ATXN7L1: variants seen among roughly 807,000 people sequenced by gnomAD.
The protein encoded by ATXN7L1 is ataxin-7-like protein 1.
A neutral mutation model predicts 70.8 loss-of-function variants in ATXN7L1; 15 were observed. That is an observed-to-expected ratio of 0.21 (90% confidence interval 0.14 to 0.33). The LOEUF (loss-of-function observed/expected upper bound fraction) is 0.33. Ranked by LOEUF, ATXN7L1 falls within the 10% of genes least tolerant of loss-of-function variation. ATXN7L1 has a pLI of 1.00. For synonymous variants in ATXN7L1, 440 were observed against 445.1 expected, an observed-to-expected ratio of 0.99 and a Z score of 0.14; for missense variants, 975 against 1,097.1, an observed-to-expected ratio of 0.89 and a Z score of 1.57.
chr7:105,678,940 TA>T, intron 3 of ATXN7L1: 1 of 450,146 alleles, frequency 2.2e-6, no homozygotes, highest in Non-Finnish European at 2.9e-6. Context: ...CTCATTTTGC[TA>T]AATGCCTCGT....
At chr7:105,698,928 T>C (rs1211255725) in intron 3 of ATXN7L1, among the ~76,000 whole-genome samples, 1 of 152,160 alleles carries the variant, frequency 6.6e-6, no homozygotes, top group Non-Finnish European at 1.5e-5. Flanking sequence ...AAGATATATA[T>C]ATATACCTTA....
chr7:105,621,919 T>C (rs1794998053), intron 8 of ATXN7L1, among the ~76,000 whole-genome samples: 1 of 152,198 alleles, frequency 6.6e-6, no homozygotes, highest in Non-Finnish European at 1.5e-5. Context: ...TAAAATCTTA[T>C]CACCCATCAA....
intron 3 of ATXN7L1, among the ~76,000 whole-genome samples, chr7:105,733,870 CCATCCATCCAT>C (rs1309516545): frequency 2.8e-5 from 4 of 144,486 alleles, no homozygotes; most frequent in Admixed American, 6.9e-5. Context: ...ATCCATCCAT[CCATCCATCCAT>C]CATCCATCAT....
At chr7:105,675,032 C>A (rs1804407513) in intron 3 of ATXN7L1, among the ~76,000 whole-genome samples, 1 of 151,910 alleles carries the variant, frequency 6.6e-6, no homozygotes, top group African/African-American at 2.4e-5. Flanking sequence ...ATAACAGGAA[C>A]TAAAAAGCAT....
intron 3 of ATXN7L1, among the ~76,000 whole-genome samples, chr7:105,733,268 A>G: frequency 6.6e-6 from 1 of 152,242 alleles, no homozygotes; most frequent in Non-Finnish European, 1.5e-5. Context: ...ATGGTGAATC[A>G]TATGTGCTCA....
At chr7:105,677,984 C>G (rs753966311) in intron 3 of ATXN7L1, 2 of 985,266 alleles carry the variant, frequency 2.0e-6, no homozygotes, top group Admixed American at 6.2e-5. Context: ...CCACTAATAA[C>G]GGAACCATTT....
At chr7:105,863,279 C>T (rs1414808797) in intron 2 of ATXN7L1, among the ~76,000 whole-genome samples, 2 of 152,194 alleles carry the variant, frequency 1.3e-5, no homozygotes, top group Admixed American at 6.5e-5. Flanking sequence ...GGACTCTGGC[C>T]ACAGAGGCCC....
intron 3 of ATXN7L1, among the ~76,000 whole-genome samples, chr7:105,686,320 A>C (rs1248618834): frequency 6.6e-6 from 1 of 152,220 alleles, no homozygotes; most frequent in Admixed American, 6.5e-5. Context: ...GTTCAAGACC[A>C]GCCTGGCCAA....
chr7:105,750,551 C>A (rs1439088439), intron 3 of ATXN7L1, among the ~76,000 whole-genome samples: 1 of 149,294 alleles, frequency 6.7e-6, no homozygotes, highest in Admixed American at 6.9e-5. Flanking sequence ...CCACCAATCC[C>A]AGCACTTTGG....
At chr7:105,610,476 C>T in intron 11 of ATXN7L1, 53 bp downstream of exon 11, 1 of 1,437,458 alleles carries the variant, frequency 7.0e-7, no homozygotes, top group Non-Finnish European at 9.6e-7. Context: ...ACTCTTTCCA[C>T]TCTGCTGATG....
intron 3 of ATXN7L1, among the ~76,000 whole-genome samples, chr7:105,754,096 C>T (rs11977943): frequency 0.12 from 18,827 of 152,118 alleles, 1,215 homozygotes; most frequent in South Asian, 0.2. Context: ...TTCTATGACC[C>T]AAAACGTGCT....
chr7:105,868,301 G>C (rs1014583739), intron 2 of ATXN7L1, among the ~76,000 whole-genome samples: 1 of 152,158 alleles, frequency 6.6e-6, no homozygotes, highest in Non-Finnish European at 1.5e-5. Flanking sequence ...CACCAGGCTG[G>C]AAGCACCCTG....
chr7:105,703,915 C>G (rs533240723), intron 3 of ATXN7L1, among the ~76,000 whole-genome samples: 17 of 152,194 alleles, frequency 1.1e-4, no homozygotes, highest in Non-Finnish European at 2.1e-4. Flanking sequence ...TTTGTTTCTA[C>G]TTGTCAATAA....
intron 3 of ATXN7L1, among the ~76,000 whole-genome samples, chr7:105,680,478 T>C (rs142628032): frequency 3.2e-4 from 49 of 152,230 alleles, no homozygotes; most frequent in African/African-American, 1.2e-3. Flanking sequence ...TGAGAGGGAG[T>C]TGTGCTGGCT....
chr7:105,765,183 C>T (rs1171352516), intron 3 of ATXN7L1, among the ~76,000 whole-genome samples: 1 of 151,838 alleles, frequency 6.6e-6, no homozygotes, highest in African/African-American at 2.4e-5. Flanking sequence ...AAAATACAAA[C>T]ATTAGCCAGG....
intron 3 of ATXN7L1, among the ~76,000 whole-genome samples, chr7:105,725,828 G>A (rs750980346): frequency 9.9e-5 from 15 of 151,876 alleles, no homozygotes; most frequent in South Asian, 2.1e-4. Context: ...AGATCCGCCC[G>A]CCTTGGCTTT....
intron 3 of ATXN7L1, among the ~76,000 whole-genome samples, chr7:105,777,338 C>T (rs1802875103): frequency 6.6e-6 from 1 of 152,230 alleles, no homozygotes; most frequent in African/African-American, 2.4e-5. Context: ...AATCTCAAGA[C>T]ACAAATAAAA....
chr7:105,613,988 G>C lies in ATXN7L1; in HGVS notation c.2346C>G (p.Asn782Lys). ...TACAGGCTTTGCTACTAGAACTCGA[G>C]TTCTTACGCTTTTTTCCTTCTGATT... is the stretch of plus-strand genomic sequence containing the variant. ...FDKSEGKKRK[N>K]SSSSSKACKI... is the part of the protein sequence containing the mutation. The change falls in exon 10 of 12, where the codon AAC becomes AAG. Residue 782 changes from asparagine (N) to lysine (K), a missense_variant. Transcript: ENST00000419735. 6.4e-7 allele frequency: 1 copy of C among 1,552,252 alleles called. No individual in the cohort carries two copies. Among genetic ancestry groups the C allele is most frequent in the South Asian group, 1.2e-5 (1 of 84,064 alleles).
At chr7:105,679,248 G>A in intron 3 of ATXN7L1, 4 of 718,530 alleles carry the variant, frequency 5.6e-6, no homozygotes, top group Non-Finnish European at 6.8e-6. Flanking sequence ...AGTCAGGGTT[G>A]TATCCTGAAT....
Sources: allele counts gnomAD v4.1 joint callset (sites outside exome capture counted in the v4.1 genomes callset), GRCh38; gene constraint gnomAD v4.1.1; transcripts MANE v1.5; gene names NCBI Gene and HGNC (gene_info 2026-07-23, HGNC 2026-07-21).